BLK: variants seen among roughly 807,000 people sequenced by gnomAD.
BLK encodes the protein tyrosine-protein kinase Blk.
Under a neutral mutation model 61.8 loss-of-function variants are expected in BLK, and 64 were observed. The observed-to-expected ratio is 1.03, with a 90% CI of 0.85 to 1.27. The LOEUF is 1.27. Among genes scored for constraint, BLK ranks in the 50% most tolerant of loss-of-function variants. BLK has a pLI of 0.00. For missense variants in BLK, 853 were observed against 660.5 expected (o/e 1.29, Z -3.19); for synonymous variants, 351 against 272.0 (o/e 1.29, Z -2.86).
chr8:11,516,159 A>T (rs955591873), intron 1 of BLK, among the ~76,000 whole-genome samples: 2 of 152,248 alleles, frequency 1.3e-5, no homozygotes, highest in Admixed American at 6.5e-5. Flanking sequence ...AGAGAGTCAG[A>T]CACAAAGGAG....
chr8:11,525,831 G>C lies in BLK; in HGVS notation c.-1-17393G>C, dbSNP rs557314138. On this transcript the variant is annotated intron_variant, in intron 1 of 12. Coordinates refer to ENST00000259089, the MANE Select transcript of BLK (RefSeq NM_001715.3). ...ATGATCTCGGCTCACTGTAATCTCT[G>C]CCTCCCTGGTTCAAGCGATTCTCCT... Among the ~76,000 whole-genome samples the C allele has an allele frequency of 5.3e-5, 8 of 152,160 alleles. No homozygotes were observed. In the East Asian group the frequency reaches 1.5e-3, roughly 29 times the overall value.
chr8:11,532,433 A>G (rs1410734957), intron 1 of BLK, among the ~76,000 whole-genome samples: 1 of 147,842 alleles, frequency 6.8e-6, no homozygotes, highest in African/African-American at 2.5e-5. Flanking sequence ...CTGGTCTCGA[A>G]CTCCTGAGCT....
Position 11,555,384 on chromosome 8 carries a change from C to T in BLK, c.672C>T (p.Ala224=), listed in dbSNP as rs201252364. Residue 224 remains alanine (A), a synonymous_variant, in exon 8 of 13, where the codon GCC becomes GCT. Transcript: ENST00000259089. ...TGACCCTGCCCTGTGTGCGCCCGGC[C>T]CCGCAGAATCCCTGGGCCCAGGATG... ...QRLTLPCVRP[A]PQNPWAQDEW... 1,921 of 1,614,164 alleles carry T rather than the reference C, an allele frequency of 1.2e-3. 35 individuals carry two copies. The South Asian group carries it at 0.02, about 16-fold the overall frequency.
At chr8:11,500,547 GC>G (rs1798517944) in intron 1 of BLK, among the ~76,000 whole-genome samples, 1 of 149,558 alleles carries the variant, frequency 6.7e-6, no homozygotes, top group African/African-American at 2.5e-5. Flanking sequence ...ATAGGGTCTC[GC>G]TCTGCCTCCC....
At chr8:11,551,374 G>A (rs1389117783) in intron 6 of BLK, among the ~76,000 whole-genome samples, 1 of 152,100 alleles carries the variant, frequency 6.6e-6, no homozygotes, top group Non-Finnish European at 1.5e-5. Flanking sequence ...TCACGTGGCC[G>A]TCCCTCCATG....
At chr8:11,551,755 C>T (rs976600378) in intron 6 of BLK, among the ~76,000 whole-genome samples, 2 of 152,166 alleles carry the variant, frequency 1.3e-5, no homozygotes, top group Non-Finnish European at 2.9e-5. Flanking sequence ...TGCTCACTGG[C>T]CACTAGCTTT....
At chr8:11,534,846 C>A (rs2117396135) in intron 1 of BLK, among the ~76,000 whole-genome samples, 1 of 152,272 alleles carries the variant, frequency 6.6e-6, no homozygotes, top group Non-Finnish European at 1.5e-5. Flanking sequence ...TGTGCTAGTG[C>A]TGGGAAAAGA....
intron 1 of BLK, among the ~76,000 whole-genome samples, chr8:11,502,157 T>C (rs189412683): frequency 6.1e-4 from 93 of 152,370 alleles, no homozygotes; most frequent in African/African-American, 2.0e-3. Flanking sequence ...ATAGCTATTA[T>C]TAAGATGCAG....
rs760636940 is a variant in BLK at position 11,543,205 on chromosome 8, T to C, written c.-1-19T>C. On this transcript the variant is annotated intron_variant, in intron 1 of 12. Coordinates refer to ENST00000259089, the MANE Select transcript of BLK (RefSeq NM_001715.3). ...GCCCCGCTCTCTCATGTCCTCTGTC[T>C]GCTGTGTGTCTCCGACAGGATGGGG... is the stretch of plus-strand genomic sequence containing the variant. 3 of 1,613,624 alleles carry C rather than the reference T, an allele frequency of 1.9e-6. No individual in the cohort carries two copies. The South Asian group carries it at 3.3e-5, about 18-fold the overall frequency.
rs141675015 is a variant in BLK at position 11,536,756 on chromosome 8, C to T, written c.-1-6468C>T. Among the ~76,000 whole-genome samples the T allele has an allele frequency of 1.9e-3, 282 of 152,274 alleles. 2 individuals carry two copies. The highest frequency in any genetic ancestry group is 6.5e-3 in the African/African-American group (272 of 41,558). Reference sequence around the variant, plus strand: ...GGAAGGTTTCATAAAAAATAGTTTTCATCTAAAAAAATCTGTTGTAGCCAT... The same window carrying T: ...GGAAGGTTTCATAAAAAATAGTTTTTATCTAAAAAAATCTGTTGTAGCCAT... On this transcript the variant is annotated intron_variant, in intron 1 of 12. Transcript: ENST00000259089.
intron 6 of BLK, among the ~76,000 whole-genome samples, chr8:11,554,446 G>A (rs552087382): frequency 6.6e-6 from 1 of 152,228 alleles, no homozygotes; most frequent in South Asian, 2.1e-4. Context: ...TGCCCAAGTG[G>A]GGACCTACAT....
chr8:11,541,116 A>T (rs1224624327), intron 1 of BLK, among the ~76,000 whole-genome samples: 1 of 152,126 alleles, frequency 6.6e-6, no homozygotes, highest in South Asian at 2.1e-4. Context: ...AAAATAAAAA[A>T]TTTAGTAGGG....
intron 4 of BLK, 24 bp downstream of exon 4, chr8:11,548,149 C>T (rs766217482): frequency 6.3e-7 from 1 of 1,590,558 alleles, no homozygotes. Flanking sequence ...ACACCATCCC[C>T]TGTCCCTGCA....
chr8:11,532,300 G>T (rs1182058312), intron 1 of BLK, among the ~76,000 whole-genome samples: 2 of 151,274 alleles, frequency 1.3e-5, no homozygotes, highest in Non-Finnish European at 2.9e-5. Context: ...CCAGGCTCAA[G>T]CAATTCTCCT....
At position 11,543,291 on chromosome 8, in the gene BLK, T is replaced by G; in HGVS notation, c.67T>G (p.Trp23Gly). The part of the protein sequence containing the change: ...KPIKEKDKGQ[W>G]SPLKVSAQDK... ...GATCAAAGAGAAGGACAAGGGCCAATGGAGCCCCCTGAAGGTCAGCGCCCA... is the reference window on the plus strand; with the variant it reads ...GATCAAAGAGAAGGACAAGGGCCAAGGGAGCCCCCTGAAGGTCAGCGCCCA... Residue 23 changes from tryptophan to glycine, a missense_variant, in exon 2 of 13, where the codon TGG (tryptophan) becomes GGG (glycine). Transcript: ENST00000259089. 1 of 1,613,842 alleles carries G rather than the reference T, an allele frequency of 6.2e-7. No individual in the cohort carries two copies. The highest frequency in any genetic ancestry group is 8.5e-7 in the Non-Finnish European group (1 of 1,180,008).
At chr8:11,559,759 C>T (rs1040036606) in intron 10 of BLK, 23 of 456,116 alleles carry the variant, frequency 5.0e-5, no homozygotes, top group Non-Finnish European at 9.7e-5. Context: ...CCTCCTCTGC[C>T]CAGGAAGCCT....
chr8:11,539,656 A>G (rs1318135982), intron 1 of BLK, among the ~76,000 whole-genome samples: 1 of 152,168 alleles, frequency 6.6e-6, no homozygotes, highest in Non-Finnish European at 1.5e-5. Context: ...ATAATATTTC[A>G]TGTTTTGTCT....
intron 10 of BLK, 62 bp downstream of exon 10, chr8:11,558,100 G>A: frequency 6.6e-7 from 1 of 1,522,844 alleles, no homozygotes; most frequent in Middle Eastern, 1.8e-4. Context: ...CACAATGGCT[G>A]CTCGTGCCTT....
intron 1 of BLK, among the ~76,000 whole-genome samples, chr8:11,523,111 AG>A (rs762044350): frequency 5.3e-5 from 8 of 152,242 alleles, no homozygotes; most frequent in Admixed American, 3.9e-4. Context: ...TTTCTTAAAT[AG>A]TTGTATATTT....
Sources: allele counts gnomAD v4.1 joint callset (sites outside exome capture counted in the v4.1 genomes callset), GRCh38; gene constraint gnomAD v4.1.1; transcripts MANE v1.5; gene names NCBI Gene and HGNC (gene_info 2026-07-23, HGNC 2026-07-21).